The following NIBAN1 variants were observed in gnomAD, a reference collection of about 807,000 sequenced individuals.
The protein encoded by NIBAN1 is protein Niban 1.
Under a neutral mutation model 75.1 loss-of-function variants are expected in NIBAN1, and 81 were observed. The observed-to-expected ratio is 1.08, with a 90% CI of 0.90 to 1.30. The LOEUF (loss-of-function observed/expected upper bound fraction) is 1.30, where lower values mean the gene tolerates loss of function less well. Among genes scored for constraint, NIBAN1 ranks in the 50% most tolerant of loss-of-function variants. The probability of loss-of-function intolerance (pLI) is 0.00; values close to 1 mark genes in which losing one functional copy is unlikely to be tolerated. For missense variants in NIBAN1, 1,133 were observed against 1,128.1 expected (o/e 1.00, Z -0.06); for synonymous variants, 436 against 424.8 (o/e 1.03, Z -0.32).
At chr1:184,907,974 A>G (rs1309805799) in intron 1 of NIBAN1, among the ~76,000 whole-genome samples, 19 of 152,206 alleles carry the variant, frequency 1.2e-4, no homozygotes, top group Admixed American at 6.5e-4. Context: ...ACAAACACTT[A>G]TTCTCCCAAG....
At chr1:184,918,029 C>G (rs1270745382) in intron 1 of NIBAN1, among the ~76,000 whole-genome samples, 1 of 152,132 alleles carries the variant, frequency 6.6e-6, no homozygotes, top group Admixed American at 6.5e-5. Flanking sequence ...CCCAACCTCT[C>G]CTGGATCCCT....
At chr1:184,942,388 A>G (rs1157116041) in intron 1 of NIBAN1, among the ~76,000 whole-genome samples, 1 of 152,256 alleles carries the variant, frequency 6.6e-6, no homozygotes, top group African/African-American at 2.4e-5. Flanking sequence ...TAGTAGGAAG[A>G]ACACAAATGA....
At chr1:184,926,412 G>A (rs1290544113) in intron 1 of NIBAN1, among the ~76,000 whole-genome samples, 1 of 151,980 alleles carries the variant, frequency 6.6e-6, no homozygotes, top group Non-Finnish European at 1.5e-5. Flanking sequence ...TAATTTTTGT[G>A]TGTTTCGTAG....
chr1:184,874,551 A>C (rs1656185790), intron 5 of NIBAN1, among the ~76,000 whole-genome samples: 1 of 152,070 alleles, frequency 6.6e-6, no homozygotes, highest in Non-Finnish European at 1.5e-5. Flanking sequence ...CTAAGCATGA[A>C]TCTATCTAGT....
intron 1 of NIBAN1, among the ~76,000 whole-genome samples, chr1:184,942,995 C>A (rs170884): frequency 0.33 from 49,703 of 152,040 alleles, 8,328 homozygotes; most frequent in Middle Eastern, 0.39. Context: ...GAGAGCTTAG[C>A]ATTTTGCTGT....
intron 6 of NIBAN1, among the ~76,000 whole-genome samples, chr1:184,830,072 T>A (rs1350398486): frequency 6.6e-6 from 1 of 152,206 alleles, no homozygotes; most frequent in Non-Finnish European, 1.5e-5. Context: ...ATAGAGTCAG[T>A]GCTCAGTAAA....
intron 1 of NIBAN1, among the ~76,000 whole-genome samples, chr1:184,935,507 T>C (rs976423837): frequency 1.3e-5 from 2 of 152,046 alleles, no homozygotes; most frequent in African/African-American, 4.8e-5. Context: ...GACCCTGTCT[T>C]AAAAATAATA....
At position 184,941,027 on chromosome 1, in the gene NIBAN1, A is replaced by G. The variant is rs114507553; in HGVS notation, c.55+33275T>C. On this transcript the variant is annotated intron_variant, in intron 1 of 13. Coordinates refer to ENST00000367511, the MANE Select transcript of NIBAN1 (RefSeq NM_052966.4). The stretch of plus-strand genomic sequence containing the variant: ...ATATTCCAATTATTTTCCAGTTCAC[A>G]TTATGGGAAAATTTGATATACATTG... 3.6e-3 allele frequency among the ~76,000 whole-genome samples: 549 copies of G among 152,346 alleles called. 3 individuals carry two copies. The highest frequency in any genetic ancestry group is 0.013 in the African/African-American group (526 of 41,572).
At chr1:184,904,227 C>T (rs1252687315) in intron 1 of NIBAN1, among the ~76,000 whole-genome samples, 2 of 152,018 alleles carry the variant, frequency 1.3e-5, no homozygotes, top group Non-Finnish European at 2.9e-5. Context: ...GACAGGGTTT[C>T]ACCATGTTGC....
At chr1:184,937,450 A>G (rs966826536) in intron 1 of NIBAN1, among the ~76,000 whole-genome samples, 16 of 151,946 alleles carry the variant, frequency 1.1e-4, no homozygotes, top group Admixed American at 9.8e-4. Flanking sequence ...TCTTCTCCAC[A>G]CCACCACAAA....
intron 8 of NIBAN1, among the ~76,000 whole-genome samples, chr1:184,820,468 T>A (rs1416330656): frequency 6.6e-6 from 1 of 152,170 alleles, no homozygotes; most frequent in African/African-American, 2.4e-5. Context: ...AACATCCTAC[T>A]CCTCTCTTCA....
intron 1 of NIBAN1, among the ~76,000 whole-genome samples, chr1:184,971,641 G>A (rs934949101): frequency 1.3e-5 from 2 of 151,908 alleles, no homozygotes; most frequent in African/African-American, 4.8e-5. Flanking sequence ...CTACACTCCA[G>A]CTTGGTGACA....
At chr1:184,952,327 C>A (rs1330950134) in intron 1 of NIBAN1, among the ~76,000 whole-genome samples, 1 of 152,160 alleles carries the variant, frequency 6.6e-6, no homozygotes, top group Non-Finnish European at 1.5e-5. Flanking sequence ...TAGCTTGAGT[C>A]CAGCAGACAG....
At chr1:184,884,560 T>C (rs1349251883) in intron 5 of NIBAN1, 73 bp downstream of exon 5, 1 of 1,572,702 alleles carries the variant, frequency 6.4e-7, no homozygotes, top group Non-Finnish European at 8.7e-7. Context: ...CTGCAATAGA[T>C]GATGGACCAG....
At chr1:184,896,809 TC>T (rs2101985304) in intron 2 of NIBAN1, among the ~76,000 whole-genome samples, 1 of 152,216 alleles carries the variant, frequency 6.6e-6, no homozygotes, top group East Asian at 1.9e-4. Flanking sequence ...TATCCTTTCT[TC>T]ATTATTTATT....
At chr1:184,961,217 T>C (rs980414214) in intron 1 of NIBAN1, among the ~76,000 whole-genome samples, 3 of 151,912 alleles carry the variant, frequency 2.0e-5, no homozygotes, top group Admixed American at 6.6e-5. Flanking sequence ...TACAGGCGCC[T>C]GCCGCCACGC....
chr1:184,854,820 T>C (rs111900847), intron 5 of NIBAN1, among the ~76,000 whole-genome samples: 1 of 152,236 alleles, frequency 6.6e-6, no homozygotes, highest in African/African-American at 2.4e-5. Flanking sequence ...CAATAGTGGG[T>C]ACAGACTTGG....
intron 1 of NIBAN1, among the ~76,000 whole-genome samples, chr1:184,944,846 T>G (rs1462881762): frequency 6.6e-6 from 1 of 152,138 alleles, no homozygotes; most frequent in Non-Finnish European, 1.5e-5. Context: ...GTAAATACAA[T>G]CTCATAATAA....
At position 184,798,087 on chromosome 1, in the gene NIBAN1, G is replaced by C. The variant is rs375277510; in HGVS notation, c.1658C>G (p.Thr553Ser). ...EILHQILLDE[T>S]LKVIKEAAIL... ...CAGGTAACCTTTCTTACCTTTCAGA[G>C]TTTCATCAAGCAGGATCTGATGTAA... The change falls in exon 13 of 14, where the codon ACT (threonine) becomes AGT (serine). Residue 553 changes from threonine to serine, a missense_variant. Transcript: ENST00000367511. The C allele has an allele frequency of 6.2e-7, 1 of 1,607,086 alleles. No individual in the cohort carries two copies. Among genetic ancestry groups the C allele is most frequent in the Admixed American group, 1.7e-5 (1 of 59,906 alleles).
Sources: gnomAD v4.1 joint callset for allele counts (sites outside exome capture counted in the v4.1 genomes callset) on GRCh38, gnomAD v4.1.1 for gene constraint, MANE v1.5 for transcripts, NCBI Gene and HGNC (gene_info 2026-07-23, HGNC 2026-07-21) for gene names.